BRMS1L: variants seen among roughly 807,000 people sequenced by gnomAD.
BRMS1L encodes the protein BRMS1 like transcriptional repressor, also known as breast cancer metastasis-suppressor 1-like protein.
A neutral mutation model predicts 50.3 loss-of-function variants in BRMS1L; 23 were observed. The observed-to-expected ratio is 0.46, with a 90% confidence interval of 0.33 to 0.65. The LOEUF (loss-of-function observed/expected upper bound fraction) is 0.65. BRMS1L is among the 30% of genes least tolerant of loss of function. The pLI is 0.02. For missense variants in BRMS1L, 286 were observed against 386.1 expected, an observed-to-expected ratio of 0.74 and a Z score of 2.17; for synonymous variants, 114 against 126.9, an observed-to-expected ratio of 0.90 and a Z score of 0.69.
chr14:35,834,650 A>T (rs993925328), intron 3 of BRMS1L, among the ~76,000 whole-genome samples, 194 bp from the exon 4 acceptor site: 1 of 152,168 alleles, frequency 6.6e-6, no homozygotes, highest in East Asian at 1.9e-4. Context: ...TCTAGCTCTT[A>T]TAATTTCTAA....
chr14:35,838,031 A>ACCCTCCCACAGGC (rs1406895836), intron 4 of BRMS1L, among the ~76,000 whole-genome samples: 2 of 150,080 alleles, frequency 1.3e-5, no homozygotes, highest in Non-Finnish European at 3.0e-5. Flanking sequence ...CTAGCCCTCC[A>ACCCTCCCACAGGC]CCCTCCCACA....
chr14:35,868,124 A>G (rs2078444901), intron 9 of BRMS1L, 92 bp downstream of exon 9: 5 of 1,310,290 alleles, frequency 3.8e-6, no homozygotes, highest in Admixed American at 2.5e-5. Flanking sequence ...TAGTGTGCCT[A>G]TATCATTAGT....
At chr14:35,836,950 C>CT (rs1476515117) in intron 4 of BRMS1L, among the ~76,000 whole-genome samples, 1 of 152,142 alleles carries the variant, frequency 6.6e-6, no homozygotes, top group African/African-American at 2.4e-5. Flanking sequence ...TGAAGAGGTC[C>CT]TTCATATCCC....
At position 35,854,732 on chromosome 14, in the gene BRMS1L, T is replaced by C. The variant is rs191970862; in HGVS notation, c.442-7858T>C. ...ATATCTCACAGCTTATTTCCTATGT[T>C]ATGATTCTGACCTAAGGCAGACTTT... is the stretch of plus-strand genomic sequence containing the variant. On this transcript the variant is annotated intron_variant, in intron 4 of 9. Transcript: ENST00000216807. Among the ~76,000 whole-genome samples, 55 of 152,364 alleles carry C rather than the reference T, an allele frequency of 3.6e-4. No individual in the cohort carries two copies. In the East Asian group the frequency reaches 9.1e-3, roughly 25 times the overall value.
rs562159278 is a variant in BRMS1L, at chr14:35,826,460, G to A, written c.-57G>A. 1.9e-6 allele frequency: 3 copies of A among 1,550,310 alleles called. No individual in the cohort carries two copies. The highest frequency in any genetic ancestry group is 1.4e-5 in the African/African-American group (1 of 73,494). On this transcript the variant is annotated 5_prime_UTR_variant, in exon 1 of 10. Transcript: ENST00000216807. ...TGGGGCGTTCCGCGCGCCCTTCATT[G>A]AAGCGGCGGTGGCCGGGCTGGGCGC... is the stretch of plus-strand genomic sequence containing the variant.
intron 2 of BRMS1L, among the ~76,000 whole-genome samples, chr14:35,832,505 CA>C (rs3058640): frequency 1.2e-3 from 139 of 116,156 alleles, no homozygotes; most frequent in Admixed American, 1.3e-3. Flanking sequence ...GACTCCGTCT[CA>C]AAAAAAAAAA....
At chr14:35,828,298 G>A (rs1480807372) in intron 1 of BRMS1L, among the ~76,000 whole-genome samples, 1 of 151,032 alleles carries the variant, frequency 6.6e-6, no homozygotes, top group Admixed American at 6.6e-5. Flanking sequence ...TTAGCCTCCC[G>A]AGTAGCTGTG....
At chr14:35,867,877 T>C (rs760754973) in intron 8 of BRMS1L, 29 bp from the exon 9 acceptor site, 1 of 1,547,494 alleles carries the variant, frequency 6.5e-7, no homozygotes, top group Non-Finnish European at 8.7e-7. Context: ...GTTTTATTAA[T>C]ATAACAGTTT....
intron 1 of BRMS1L, among the ~76,000 whole-genome samples, chr14:35,830,845 C>T (rs1300470605): frequency 6.6e-6 from 1 of 151,840 alleles, no homozygotes; most frequent in Non-Finnish European, 1.5e-5. Flanking sequence ...TATAGTCAGT[C>T]CTTTAAAGTG....
At chr14:35,866,614 A>C (rs1433436923) in intron 8 of BRMS1L, among the ~76,000 whole-genome samples, 2 of 152,118 alleles carry the variant, frequency 1.3e-5, no homozygotes, top group Non-Finnish European at 2.9e-5. Context: ...CTGAGGTGGG[A>C]GGATCACCTG....
At chr14:35,862,468 A>T in intron 4 of BRMS1L, 122 bp from the exon 5 acceptor site, 1 of 408,072 alleles carries the variant, frequency 2.5e-6, no homozygotes, top group East Asian at 4.0e-5. Flanking sequence ...AGAATTTTTA[A>T]TTGAATTGAA....
chr14:35,858,652 G>A (rs879570357), intron 4 of BRMS1L: 4 of 152,168 alleles, frequency 2.6e-5, no homozygotes, highest in Non-Finnish European at 2.9e-5. Context: ...TTGCAGTGAA[G>A]ATATCAGCCA....
chr14:35,847,513 C>G (rs1428570814), intron 4 of BRMS1L, among the ~76,000 whole-genome samples: 1 of 152,144 alleles, frequency 6.6e-6, no homozygotes, highest in Admixed American at 6.5e-5. Context: ...GTTGCCCAGG[C>G]TGAGTTTCCT....
At chr14:35,848,858 T>C (rs1445250138) in intron 4 of BRMS1L, among the ~76,000 whole-genome samples, 1 of 152,208 alleles carries the variant, frequency 6.6e-6, no homozygotes, top group East Asian at 1.9e-4. Context: ...ATTCATCCAT[T>C]GATGGACACT....
At chr14:35,830,941 ATTTTT>A (rs762350767) in intron 1 of BRMS1L, among the ~76,000 whole-genome samples, 1 of 131,678 alleles carries the variant, frequency 7.6e-6, no homozygotes. Flanking sequence ...TCTATAGTGG[ATTTTT>A]TTTTTTTTTT....
chr14:35,849,061 G>T (rs1285031659), intron 4 of BRMS1L, among the ~76,000 whole-genome samples: 3 of 151,154 alleles, frequency 2.0e-5, no homozygotes, highest in Admixed American at 6.6e-5. Flanking sequence ...TCACTGTGTT[G>T]CCCAGGCTGG....
intron 4 of BRMS1L, among the ~76,000 whole-genome samples, chr14:35,853,651 T>C (rs2078243077): frequency 6.6e-6 from 1 of 151,982 alleles, no homozygotes; most frequent in African/African-American, 2.4e-5. Context: ...GGTCTTGAGC[T>C]CCTGGGCTCA....
intron 4 of BRMS1L, among the ~76,000 whole-genome samples, chr14:35,838,525 T>C (rs905124895): frequency 2.0e-5 from 3 of 152,220 alleles, no homozygotes; most frequent in African/African-American, 4.8e-5. Context: ...CCACATCCTC[T>C]CCAGCATCTG....
At chr14:35,870,056 GTTTT>G (rs61062353) in intron 9 of BRMS1L, among the ~76,000 whole-genome samples, 1 of 136,364 alleles carries the variant, frequency 7.3e-6, no homozygotes, top group Non-Finnish European at 1.6e-5. Flanking sequence ...TTTAGCTCCA[GTTTT>G]TTTTTTTTTT....
Sources: gnomAD v4.1 joint callset for allele counts (sites outside exome capture counted in the v4.1 genomes callset) on GRCh38, gnomAD v4.1.1 for gene constraint, MANE v1.5 for transcripts, NCBI Gene and HGNC (gene_info 2026-07-23, HGNC 2026-07-21) for gene names.